CCDC186: variants seen among roughly 807,000 people sequenced by gnomAD.
CCDC186 encodes the protein coiled-coil domain-containing protein 186.
CCDC186 carries 49 observed loss-of-function variants against 113.7 expected under a neutral mutation model. The ratio of observed to expected loss-of-function variants is 0.43; its 90% CI spans 0.34 to 0.55. CCDC186 has a LOEUF of 0.55. Ranked by LOEUF, CCDC186 falls within the 20% of genes least tolerant of loss-of-function variation. The pLI is 0.02. For synonymous variants in CCDC186, 355 were observed against 345.8 expected (o/e 1.03, Z -0.30); for missense variants, 890 against 1,011.1 (o/e 0.88, Z 1.62).
intron 13 of CCDC186, 125 bp from the exon 14 acceptor site, chr10:114,127,796 A>G: frequency 1.1e-6 from 1 of 878,712 alleles, no homozygotes. Context: ...AGAAGACAAC[A>G]CAGGTCAACG....
Position 114,149,691 on chromosome 10 carries a change from A to G in CCDC186, c.888+1401T>C. On this transcript the variant is annotated intron_variant, in intron 4 of 15. Transcript: ENST00000369287. ...AAAGGAGGGAAGGAGGGAGGAAAGA[A>G]AAGAATGGAATGGAAGGAAAGGGAG... Among the ~76,000 whole-genome samples, 2 of 248 alleles carry G rather than the reference A, an allele frequency of 8.1e-3. 1 individual carries two copies. Among genetic ancestry groups the G allele is most frequent in the Non-Finnish European group, 0.018 (2 of 114 alleles). The allele number at this position is 248 out of a possible 152,430, so 0.2% of individuals were successfully genotyped here.
intron 1 of CCDC186, among the ~76,000 whole-genome samples, chr10:114,166,098 G>C (rs1218185373): frequency 1.3e-5 from 2 of 152,146 alleles, no homozygotes; most frequent in Admixed American, 1.3e-4. Context: ...AAGTACAGAG[G>C]TTAGGAGTGT....
rs759839670 is a variant in CCDC186 at position 114,162,701 on chromosome 10, C to T, written c.568G>A (p.Ala190Thr). 1 of 1,611,980 alleles carries T rather than the reference C, an allele frequency of 6.2e-7. No individual in the cohort carries two copies. Among genetic ancestry groups the T allele is most frequent in the East Asian group, 2.2e-5 (1 of 44,842 alleles). ...ACACACTTTTCAAACAGAACTAATGCATGTTCTCCCTTATTCATTCCATTT... is the reference window on the plus strand; with the variant it reads ...ACACACTTTTCAAACAGAACTAATGTATGTTCTCCCTTATTCATTCCATTT... ...VPNGMNKGEH[A>T]LVLFEKCVQD... Residue 190 changes from alanine to threonine, a missense_variant, in exon 2 of 16, where the codon GCA becomes ACA. Physicochemically the swap from Ala to Thr is moderately conservative, Grantham distance 58. Coordinates refer to ENST00000369287, the MANE Select transcript of CCDC186 (RefSeq NM_018017.4).
Position 114,123,975 on chromosome 10 carries a change from TAGC to T in CCDC186, c.*1165_*1167del, listed in dbSNP as rs2030808506. On this transcript the variant is annotated 3_prime_UTR_variant, in exon 16 of 16. Coordinates refer to ENST00000369287, the MANE Select transcript of CCDC186 (RefSeq NM_018017.4). ...GATTCTACCGCTTCAGCCTCCCGAGTAGCTGGAACCATAGGCATGCACCACCAT... is the reference window on the plus strand; with the variant it reads ...GATTCTACCGCTTCAGCCTCCCGAGTTGGAACCATAGGCATGCACCACCAT... The T allele has an allele frequency of 1.3e-5, 2 of 152,170 alleles. No homozygotes were observed. Among genetic ancestry groups the T allele is most frequent in the African/African-American group, 4.8e-5 (2 of 41,426 alleles). The allele number at this position is 152,170 out of a possible 1,614,324, so 9.4% of individuals were successfully genotyped here. A position where few individuals can be genotyped will look rare whatever the true frequency, so the allele number is the denominator to read the frequency against.
chr10:114,142,022 G>C (rs1198886633), intron 6 of CCDC186, among the ~76,000 whole-genome samples: 13 of 152,228 alleles, frequency 8.5e-5, no homozygotes, highest in African/African-American at 2.6e-4. Context: ...TACAGTTATA[G>C]AACACTACAG....
chr10:114,124,416 AAC>A lies in CCDC186; in HGVS notation c.*725_*726del, dbSNP rs1221749685. 4.6e-5 allele frequency: 7 copies of A among 152,214 alleles called. No homozygotes were observed. The East Asian group carries it at 7.7e-4, about 17-fold the overall frequency. 9.4% of individuals were successfully genotyped at this position (152,214 alleles called of 1,614,324 possible). On this transcript the variant is annotated 3_prime_UTR_variant, in exon 16 of 16. Coordinates refer to ENST00000369287, the MANE Select transcript of CCDC186 (RefSeq NM_018017.4). ...CATTTCACAATTTAAAATATAAGTA[AAC>A]ACAGGAATTTTCTAAATTAATATGT...
chr10:114,134,536 A>G (rs1589610733), intron 10 of CCDC186, among the ~76,000 whole-genome samples: 1 of 152,222 alleles, frequency 6.6e-6, no homozygotes, highest in African/African-American at 2.4e-5. Flanking sequence ...ATAAGGAGCC[A>G]AGGAATAATG....
intron 1 of CCDC186, 139 bp from the exon 2 acceptor site, chr10:114,163,468 A>C: frequency 1.4e-6 from 1 of 721,038 alleles, no homozygotes; most frequent in Non-Finnish European, 2.1e-6. Context: ...TCCTTGAGAA[A>C]AAAGAAAAAG....
At chr10:114,167,596 T>C (rs1178578619) in intron 1 of CCDC186, among the ~76,000 whole-genome samples, 3 of 151,796 alleles carry the variant, frequency 2.0e-5, no homozygotes, top group African/African-American at 2.4e-5. Flanking sequence ...TCGAGGCTAC[T>C]AAGGATAGAA....
At chr10:114,150,862 G>A (rs1475292684) in intron 4 of CCDC186, among the ~76,000 whole-genome samples, 1 of 152,070 alleles carries the variant, frequency 6.6e-6, no homozygotes, top group Non-Finnish European at 1.5e-5. Context: ...TGTTAGCCAG[G>A]CTGGTCTCAA....
Position 114,129,888 on chromosome 10 carries a change from T to C in CCDC186, c.2182+3A>G. 1 of 1,613,088 alleles carries C rather than the reference T, an allele frequency of 6.2e-7. No individual in the cohort carries two copies. The highest frequency in any genetic ancestry group is 8.5e-7 in the Non-Finnish European group (1 of 1,179,224). ...ATAACAACTAGAGCCACTAGTTTTT[T>C]ACCTGATGAACTAGAACGACTTCCC... On this transcript the variant is annotated splice_donor_region_variant and intron_variant, in intron 13 of 15. Coordinates refer to ENST00000369287, the MANE Select transcript of CCDC186 (RefSeq NM_018017.4).
rs192611655 is a variant in CCDC186, at chr10:114,150,785, A to G, written c.888+307T>C. 4.4e-3 allele frequency among the ~76,000 whole-genome samples: 669 copies of G among 152,192 alleles called. 5 individuals are homozygous for G. Among genetic ancestry groups the G allele is most frequent in the African/African-American group, 0.015 (621 of 41,496 alleles). Reference sequence around the variant, plus strand: ...TGCCTCAGCCTCCCAAGTAGCTGGGACTACAGGGATGCGCCACCACGTCTG... The same window carrying G: ...TGCCTCAGCCTCCCAAGTAGCTGGGGCTACAGGGATGCGCCACCACGTCTG... On this transcript the variant is annotated intron_variant, in intron 4 of 15. Transcript: ENST00000369287.
intron 3 of CCDC186, among the ~76,000 whole-genome samples, 197 bp from the exon 4 acceptor site, chr10:114,151,417 G>T (rs2031853460): frequency 6.6e-6 from 1 of 152,102 alleles, no homozygotes; most frequent in Non-Finnish European, 1.5e-5. Flanking sequence ...TTAAGTTAAG[G>T]TATCTGGCAA....
chr10:114,162,525 T>C, intron 2 of CCDC186, 112 bp downstream of exon 2: 1 of 773,108 alleles, frequency 1.3e-6, no homozygotes, highest in Non-Finnish European at 2.0e-6. Context: ...ATGTGCATGA[T>C]TCTAATGTGC....
chr10:114,133,339 A>ATGC (rs1283978558), intron 10 of CCDC186, among the ~76,000 whole-genome samples: 1 of 152,190 alleles, frequency 6.6e-6, no homozygotes, highest in Admixed American at 6.5e-5. Context: ...AGTCACATGG[A>ATGC]TGCTGCACTC....
intron 10 of CCDC186, 80 bp from the exon 11 acceptor site, chr10:114,132,264 T>G: frequency 9.8e-7 from 1 of 1,016,814 alleles, no homozygotes; most frequent in Non-Finnish European, 1.4e-6. Context: ...TTTCATCTAG[T>G]CAAATGCTTA....
chr10:114,135,188 T>C, intron 9 of CCDC186, 133 bp from the exon 10 acceptor site: 1 of 902,318 alleles, frequency 1.1e-6, no homozygotes, highest in Non-Finnish European at 1.5e-6. Flanking sequence ...AATGCGAAGT[T>C]TACAATCCTA....
intron 6 of CCDC186, among the ~76,000 whole-genome samples, chr10:114,139,988 G>A (rs2031414048): frequency 6.6e-6 from 1 of 152,146 alleles, no homozygotes; most frequent in African/African-American, 2.4e-5. Flanking sequence ...TTTTGGTTAA[G>A]GTATTGACTG....
chr10:114,133,922 A>C (rs1008611440), intron 10 of CCDC186, among the ~76,000 whole-genome samples: 1 of 152,234 alleles, frequency 6.6e-6, no homozygotes, highest in Non-Finnish European at 1.5e-5. Flanking sequence ...TTTAAAAGAC[A>C]ATTATGTTTA....
Sources: gnomAD v4.1 joint callset for allele counts (sites outside exome capture counted in the v4.1 genomes callset) on GRCh38, gnomAD v4.1.1 for gene constraint, MANE v1.5 for transcripts, NCBI Gene and HGNC (gene_info 2026-07-23, HGNC 2026-07-21) for gene names.